Variants in SYNPR observed in about 807,000 individuals in gnomAD.
The protein encoded by SYNPR is synaptoporin.
In SYNPR, 23 loss-of-function variants were observed where a neutral mutation model predicts 32.9. The ratio of observed to expected loss-of-function variants is 0.70; its 90% CI spans 0.50 to 0.99. SYNPR has a LOEUF of 0.99. Ranked by LOEUF, SYNPR falls within the 50% of genes least tolerant of loss-of-function variation. The probability of loss-of-function intolerance (pLI) is 0.00; values close to 1 mark genes in which losing one functional copy is unlikely to be tolerated. For synonymous variants in SYNPR, 146 were observed against 135.9 expected, an observed-to-expected ratio of 1.07 and a Z score of -0.52; for missense variants, 318 against 349.3, an observed-to-expected ratio of 0.91 and a Z score of 0.71.
chr3:63,473,474 G>A (rs1433363244), intron 2 of SYNPR, among the ~76,000 whole-genome samples: 1 of 152,198 alleles, frequency 6.6e-6, no homozygotes, highest in Non-Finnish European at 1.5e-5. Flanking sequence ...ACTGTGCAAG[G>A]TGGTAGAGAT....
At chr3:63,470,087 C>T (rs2060758) in intron 2 of SYNPR, among the ~76,000 whole-genome samples, 28,763 of 151,992 alleles carry the variant, frequency 0.19, 2,834 homozygotes, top group African/African-American at 0.22. Flanking sequence ...TAACTAAAAC[C>T]GAGATTCTGA....
chr3:63,494,522 CAT>C (rs67679314), intron 3 of SYNPR, among the ~76,000 whole-genome samples: 3,117 of 51,062 alleles, frequency 0.061, 251 homozygotes, highest in African/African-American at 0.17. Context: ...TACATATATA[CAT>C]ATATATATAT....
At chr3:63,535,958 ACATTT>A (rs977669264) in intron 3 of SYNPR, among the ~76,000 whole-genome samples, 2 of 152,038 alleles carry the variant, frequency 1.3e-5, no homozygotes, top group Non-Finnish European at 2.9e-5. Context: ...AATTTTAAAA[ACATTT>A]GTATTTTAAA....
the SYNPR span, among the ~76,000 whole-genome samples, chr3:63,204,061 A>G: frequency 2.6e-5 from 4 of 152,122 alleles, no homozygotes; most frequent in Non-Finnish European, 4.4e-5. Flanking sequence ...ATCACCTTTA[A>G]TAAGATCATC....
chr3:63,543,937 G>C (rs1000521658), intron 3 of SYNPR, among the ~76,000 whole-genome samples: 1 of 152,042 alleles, frequency 6.6e-6, no homozygotes, highest in East Asian at 1.9e-4. Context: ...GTGGCGGGGC[G>C]TTATTCTAGT....
the SYNPR span, among the ~76,000 whole-genome samples, chr3:63,222,609 C>A: frequency 6.6e-6 from 1 of 152,154 alleles, no homozygotes; most frequent in East Asian, 1.9e-4. Context: ...TTTCGCCTCC[C>A]AGGTTTAAAT....
At chr3:63,352,847 T>A (rs11712153) in intron 2 of SYNPR, among the ~76,000 whole-genome samples, 27,493 of 151,878 alleles carry the variant, frequency 0.18, 2,840 homozygotes, top group South Asian at 0.26. Flanking sequence ...AACCATCATA[T>A]CTCCTAAGAC....
intron 2 of SYNPR, among the ~76,000 whole-genome samples, chr3:63,359,168 G>C (rs765490083): frequency 6.6e-6 from 1 of 152,170 alleles, no homozygotes; most frequent in African/African-American, 2.4e-5. Context: ...AGCAAGAGAA[G>C]CACCTTCCTC....
intron 2 of SYNPR, among the ~76,000 whole-genome samples, chr3:63,418,532 CT>C (rs1200821409): frequency 2.6e-5 from 4 of 152,170 alleles, no homozygotes; most frequent in Admixed American, 6.5e-5. Flanking sequence ...TGTTTTCACA[CT>C]GCTGATAAAG....
chr3:63,391,235 C>T (rs1433705639), intron 2 of SYNPR, among the ~76,000 whole-genome samples: 1 of 152,164 alleles, frequency 6.6e-6, no homozygotes, highest in Non-Finnish European at 1.5e-5. Context: ...TCACCCTAGA[C>T]CACTGCAGAA....
At position 63,286,803 on chromosome 3, in the gene SYNPR, C is replaced by T. The variant is rs527336931; in HGVS notation, c.84+8061C>T. On this transcript the variant is annotated intron_variant, in intron 2 of 5. Coordinates refer to ENST00000478300, the MANE Select transcript of SYNPR (RefSeq NM_001130003.2). ...GAAAACTGGGGGCAATATCTCCTGC[C>T]TATAGTGTTGAAAATTTTAAGTGAG... Among the ~76,000 whole-genome samples the T allele has an allele frequency of 1.7e-4, 26 of 152,264 alleles. 1 individual carries two copies. In the Middle Eastern group the frequency reaches 0.01, roughly 60 times the overall value.
At chr3:63,352,048 T>C (rs891788446) in intron 2 of SYNPR, among the ~76,000 whole-genome samples, 1 of 152,046 alleles carries the variant, frequency 6.6e-6, no homozygotes, top group Admixed American at 6.6e-5. Context: ...AAGCCAGCCC[T>C]GTGAAGACCT....
At chr3:63,551,232 T>C (rs913972080) in intron 3 of SYNPR, among the ~76,000 whole-genome samples, 1 of 152,256 alleles carries the variant, frequency 6.6e-6, no homozygotes, top group Non-Finnish European at 1.5e-5. Flanking sequence ...CTTATCCATA[T>C]TGTAGCATGT....
intron 3 of SYNPR, among the ~76,000 whole-genome samples, chr3:63,509,616 C>T (rs978433941): frequency 4.6e-5 from 7 of 151,844 alleles, no homozygotes; most frequent in African/African-American, 1.2e-4. Context: ...AGAACCTCAA[C>T]GTCTTTAGTT....
At chr3:63,224,756 G>A (rs1454780144), upstream of SYNPR, among the ~76,000 whole-genome samples, 1 of 152,162 alleles carries the variant, frequency 6.6e-6, no homozygotes, top group Non-Finnish European at 1.5e-5. Context: ...GGATAACAGG[G>A]TGGCATGAAC....
intron 4 of SYNPR, among the ~76,000 whole-genome samples, chr3:63,607,961 G>T (rs1162959690): frequency 7.2e-5 from 11 of 152,178 alleles, no homozygotes; most frequent in Admixed American, 6.5e-5. Flanking sequence ...TTCTACTTGA[G>T]GAGGTTATTA....
At chr3:63,488,394 C>T (rs184251015) in intron 3 of SYNPR, among the ~76,000 whole-genome samples, 28 of 152,204 alleles carry the variant, frequency 1.8e-4, no homozygotes, top group Admixed American at 1.4e-3. Context: ...GGGGCAGAGA[C>T]TTTGGGAGAC....
chr3:63,578,865 G>C (rs542278775), intron 4 of SYNPR, among the ~76,000 whole-genome samples: 1 of 152,270 alleles, frequency 6.6e-6, no homozygotes, highest in East Asian at 1.9e-4. Flanking sequence ...GGTAGAGTTT[G>C]CTTTGCTAGG....
chr3:63,494,422 T>TATATATATATACAC (rs1701322812), intron 3 of SYNPR, among the ~76,000 whole-genome samples: 2 of 40,268 alleles, frequency 5.0e-5, no homozygotes, highest in South Asian at 1.8e-3. Flanking sequence ...TATATACGTA[T>TATATATATATACAC]ATATATATAT....
Sources: allele counts gnomAD v4.1 joint callset (sites outside exome capture counted in the v4.1 genomes callset), GRCh38; gene constraint gnomAD v4.1.1; transcripts MANE v1.5; gene names NCBI Gene and HGNC (gene_info 2026-07-23, HGNC 2026-07-21).